Variants in CDH13 observed in about 807,000 individuals in gnomAD.
The protein encoded by CDH13 is cadherin-13.
CDH13 carries 24 observed loss-of-function variants against 63.8 expected under a neutral mutation model. That is an observed-to-expected ratio of 0.38 (90% CI 0.27 to 0.53). The LOEUF (loss-of-function observed/expected upper bound fraction) is 0.53, where lower values mean the gene tolerates loss of function less well. CDH13 is among the 20% of genes least tolerant of loss of function. The probability of loss-of-function intolerance (pLI) is 0.85; values close to 1 mark genes in which losing one functional copy is unlikely to be tolerated. For synonymous variants in CDH13, 503 were observed against 355.3 expected (o/e 1.42, Z -4.67); for missense variants, 1,049 against 903.1 (o/e 1.16, Z -2.07).
At chr16:83,381,884 T>C (rs1303509081) in intron 6 of CDH13, among the ~76,000 whole-genome samples, 4 of 152,212 alleles carry the variant, frequency 2.6e-5, no homozygotes, top group Admixed American at 1.3e-4. Flanking sequence ...TATAAAATCA[T>C]ATGGATGACT....
chr16:82,980,337 G>A (rs778937560), intron 2 of CDH13, among the ~76,000 whole-genome samples: 1 of 152,148 alleles, frequency 6.6e-6, no homozygotes, highest in Non-Finnish European at 1.5e-5. Flanking sequence ...GAGTGCTTTG[G>A]CTGGGTCCGT....
chr16:83,207,430 T>G (rs557316263), intron 4 of CDH13, among the ~76,000 whole-genome samples: 1 of 152,370 alleles, frequency 6.6e-6, no homozygotes, highest in African/African-American at 2.4e-5. Flanking sequence ...TTTTAAAGTC[T>G]AAATAGTATT....
intron 5 of CDH13, among the ~76,000 whole-genome samples, chr16:83,333,838 C>A (rs1368750642): frequency 6.6e-6 from 1 of 152,114 alleles, no homozygotes; most frequent in East Asian, 1.9e-4. Context: ...TACTTTTATT[C>A]TAAGAAGATT....
chr16:82,804,978 C>G (rs926755527), intron 1 of CDH13, among the ~76,000 whole-genome samples: 2 of 152,132 alleles, frequency 1.3e-5, no homozygotes, highest in African/African-American at 4.8e-5. Context: ...AGCAGATGTT[C>G]AAGGATGATA....
chr16:82,961,088 G>A (rs995287195), intron 2 of CDH13, among the ~76,000 whole-genome samples: 45 of 152,114 alleles, frequency 3.0e-4, no homozygotes, highest in African/African-American at 1.1e-3. Flanking sequence ...CTCTGCAACT[G>A]CCACTGCCTC....
intron 6 of CDH13, among the ~76,000 whole-genome samples, chr16:83,440,084 A>C (rs184254144): frequency 1.3e-5 from 2 of 152,336 alleles, no homozygotes; most frequent in Admixed American, 1.3e-4. Context: ...AAAGTTTGTC[A>C]TTTTAAAAAG....
At chr16:83,256,708 G>C (rs915424604) in intron 5 of CDH13, among the ~76,000 whole-genome samples, 1 of 150,642 alleles carries the variant, frequency 6.6e-6, no homozygotes, top group African/African-American at 2.4e-5. Flanking sequence ...AGCCGGGCAT[G>C]GTGGCGGCTG....
At chr16:83,465,301 TAACTG>T (rs1002621942) in intron 6 of CDH13, among the ~76,000 whole-genome samples, 35 of 152,294 alleles carry the variant, frequency 2.3e-4, no homozygotes, top group African/African-American at 7.7e-4. Flanking sequence ...AGAAGCAACA[TAACTG>T]AGTGAGCTTC....
intron 5 of CDH13, among the ~76,000 whole-genome samples, chr16:83,265,544 T>C (rs896348153): frequency 6.6e-6 from 1 of 152,168 alleles, no homozygotes; most frequent in Non-Finnish European, 1.5e-5. Context: ...TGTTGTTGTA[T>C]TATTGTTTAA....
intron 8 of CDH13, among the ~76,000 whole-genome samples, chr16:83,607,720 A>G (rs1908474625): frequency 1.3e-5 from 2 of 152,200 alleles, no homozygotes; most frequent in Non-Finnish European, 2.9e-5. Flanking sequence ...CTCTGTGGAG[A>G]GTTTTCTATA....
chr16:82,697,787 G>GTGTGTGTGTGTGTGTT (rs1302221385), intron 1 of CDH13, among the ~76,000 whole-genome samples: 5 of 106,306 alleles, frequency 4.7e-5, no homozygotes, highest in African/African-American at 2.0e-4. Context: ...GTGTGTGTGT[G>GTGTGTGTGTGTGTGTT]TAAGTTTTTT....
At chr16:83,631,965 G>C (rs1250839995) in intron 8 of CDH13, among the ~76,000 whole-genome samples, 4 of 152,216 alleles carry the variant, frequency 2.6e-5, no homozygotes, top group Admixed American at 6.5e-5. Flanking sequence ...CTGTCCATAT[G>C]ACAAGCCTGC....
intron 3 of CDH13, among the ~76,000 whole-genome samples, chr16:83,043,479 C>G (rs62035075): frequency 7.0e-6 from 1 of 142,470 alleles, no homozygotes; most frequent in African/African-American, 2.6e-5. Flanking sequence ...TATATAATAA[C>G]TGTATATATG....
intron 4 of CDH13, among the ~76,000 whole-genome samples, chr16:83,145,380 A>G (rs554751299): frequency 2.0e-5 from 3 of 152,356 alleles, no homozygotes; most frequent in African/African-American, 7.2e-5. Context: ...AATAATTATC[A>G]GAGAGCTTAT....
intron 2 of CDH13, among the ~76,000 whole-genome samples, chr16:82,951,807 C>G (rs147910997): frequency 2.0e-5 from 3 of 152,180 alleles, no homozygotes; most frequent in Non-Finnish European, 4.4e-5. Context: ...ACGGGCTCAG[C>G]TGTTGTACAC....
chr16:83,323,133 G>T (rs2090268038), intron 5 of CDH13, among the ~76,000 whole-genome samples: 1 of 150,124 alleles, frequency 6.7e-6, no homozygotes, highest in South Asian at 2.2e-4. Flanking sequence ...TTTAGGATTA[G>T]AATGAAGACC....
intron 2 of CDH13, among the ~76,000 whole-genome samples, chr16:82,967,823 G>A (rs1908086762): frequency 6.6e-6 from 1 of 152,210 alleles, no homozygotes; most frequent in Non-Finnish European, 1.5e-5. Flanking sequence ...AGAGGGTGGT[G>A]TCTGCCAGGT....
intron 6 of CDH13, among the ~76,000 whole-genome samples, chr16:83,463,038 G>A (rs1283766658): frequency 6.6e-6 from 1 of 152,066 alleles, no homozygotes; most frequent in African/African-American, 2.4e-5. Flanking sequence ...ATAAAACCAC[G>A]AAGACAAGCA....
At chr16:83,742,546 A>G (rs1360684571) in intron 10 of CDH13, among the ~76,000 whole-genome samples, 4 of 152,218 alleles carry the variant, frequency 2.6e-5, no homozygotes, top group South Asian at 2.1e-4. Context: ...CTTGCACGCT[A>G]GTATTTTTAC....
Sources: allele counts gnomAD v4.1 joint callset (sites outside exome capture counted in the v4.1 genomes callset), GRCh38; gene constraint gnomAD v4.1.1; transcripts MANE v1.5; gene names NCBI Gene and HGNC (gene_info 2026-07-23, HGNC 2026-07-21).